RORA: variants seen among roughly 807,000 people sequenced by gnomAD.
The protein encoded by RORA is RAR related orphan receptor A, also known as nuclear receptor ROR-alpha.
RORA carries 7 observed loss-of-function variants against 69.5 expected under a neutral mutation model. The observed-to-expected ratio is 0.10, with a 90% CI of 0.06 to 0.19. RORA has a LOEUF of 0.19. Ranked by LOEUF, RORA falls within the 10% of genes least tolerant of loss-of-function variation. The pLI is 1.00. For missense variants in RORA, 457 were observed against 663.0 expected, an observed-to-expected ratio of 0.69 and a Z score of 3.41; for synonymous variants, 261 against 240.8, an observed-to-expected ratio of 1.08 and a Z score of -0.78.
chr15:60,741,852 G>T (rs1189345461), intron 1 of RORA, among the ~76,000 whole-genome samples: 3 of 152,096 alleles, frequency 2.0e-5, no homozygotes, highest in Non-Finnish European at 2.9e-5. Context: ...CTGCATGGCC[G>T]CATGGCCACA....
At position 61,131,251 on chromosome 15, in the gene RORA, A is replaced by C. The variant is rs576197467; in HGVS notation, c.166+97802T>G. ...TGTCACTAACTCTCTAGGTGGCCTC[A>C]TCCCACTTGTGATTCAGCAAAATGC... On this transcript the variant is annotated intron_variant, in intron 1 of 10. Coordinates refer to ENST00000335670, the MANE Select transcript of RORA (RefSeq NM_134261.3). This position sits in a 1 kb window ranked among gnomAD's most constrained non-coding sequence, Gnocchi z 4.2. Among the ~76,000 whole-genome samples the C allele has an allele frequency of 3.3e-4, 50 of 152,362 alleles. No homozygotes were observed. In the South Asian group the frequency reaches 0.01, roughly 31 times the overall value.
At chr15:61,086,353 C>T (rs899480977) in intron 1 of RORA, among the ~76,000 whole-genome samples, 4 of 152,162 alleles carry the variant, frequency 2.6e-5, no homozygotes, top group South Asian at 2.1e-4. Context: ...GTATTTTGAC[C>T]GATCTGAAAT....
At chr15:61,021,631 A>ATCTTCTCC (rs1895528216) in intron 1 of RORA, among the ~76,000 whole-genome samples, 1 of 152,184 alleles carries the variant, frequency 6.6e-6, no homozygotes, top group Non-Finnish European at 1.5e-5. Context: ...TTAAGCATAA[A>ATCTTCTCC]TCTTCTCCAT....
chr15:60,727,688 G>A (rs2071378532), intron 1 of RORA, among the ~76,000 whole-genome samples: 1 of 151,894 alleles, frequency 6.6e-6, no homozygotes, highest in Admixed American at 6.6e-5. Context: ...AAAAAAAAAT[G>A]GCGTGAAAGT....
At chr15:60,880,571 G>A (rs973062807) in intron 1 of RORA, among the ~76,000 whole-genome samples, 4 of 152,078 alleles carry the variant, frequency 2.6e-5, no homozygotes, top group Admixed American at 6.5e-5. Flanking sequence ...CCCAGGAGGC[G>A]GAGGTTGCAG....
intron 5 of RORA, chr15:60,510,666 CTGGCTGTTGCCAGT>C (rs2065666264): frequency 6.5e-6 from 1 of 152,742 alleles, no homozygotes; most frequent in East Asian, 1.9e-4. Context: ...GTGTAATCCC[CTGGCTGTTGCCAGT>C]TGGCTGTTGA....
chr15:61,012,132 C>CCCT (rs1895107448), intron 1 of RORA, among the ~76,000 whole-genome samples: 1 of 152,218 alleles, frequency 6.6e-6, no homozygotes, highest in East Asian at 1.9e-4. Context: ...CTGTGAGGCT[C>CCCT]TGTGCCTCAG....
At chr15:61,129,587 A>C (rs2079172437) in intron 1 of RORA, among the ~76,000 whole-genome samples, 1 of 152,312 alleles carries the variant, frequency 6.6e-6, no homozygotes, top group African/African-American at 2.4e-5. Flanking sequence ...TTAAATGGTA[A>C]ATTTTATGTT....
At chr15:61,186,709 T>C (rs1298080846) in intron 1 of RORA, among the ~76,000 whole-genome samples, 2 of 148,048 alleles carry the variant, frequency 1.4e-5, no homozygotes, top group South Asian at 2.2e-4. Context: ...CACTGTCCCC[T>C]GGGAGGGTCT....
chr15:60,592,353 G>C, intron 2 of RORA: 1 of 1,381,444 alleles, frequency 7.2e-7, no homozygotes. Flanking sequence ...GGAGCCGCCA[G>C]CCCACCCGGC....
chr15:60,530,852 T>TGCA (rs1386185507), intron 3 of RORA: 3 of 152,234 alleles, frequency 2.0e-5, no homozygotes, highest in Admixed American at 2.0e-4. Context: ...AAAGGCCTCC[T>TGCA]GCATGTTTAA....
chr15:61,077,961 T>C (rs2078477962), intron 1 of RORA, among the ~76,000 whole-genome samples: 1 of 152,182 alleles, frequency 6.6e-6, no homozygotes, highest in Admixed American at 6.5e-5. Flanking sequence ...GTGGCTATGT[T>C]ACATCCTCAA....
At chr15:61,075,051 C>T (rs1356267374) in intron 1 of RORA, among the ~76,000 whole-genome samples, 3 of 150,478 alleles carry the variant, frequency 2.0e-5, no homozygotes, top group Admixed American at 6.6e-5. Flanking sequence ...CGTGGCACTG[C>T]ACTCCAGCCT....
intron 2 of RORA, among the ~76,000 whole-genome samples, chr15:60,631,543 G>A (rs2069736837): frequency 6.6e-6 from 1 of 152,126 alleles, no homozygotes; most frequent in South Asian, 2.1e-4. Flanking sequence ...TACCGGAGAG[G>A]TTGCTGACAC....
At chr15:60,783,765 G>T (rs1476425420) in intron 1 of RORA, among the ~76,000 whole-genome samples, 1 of 152,126 alleles carries the variant, frequency 6.6e-6, no homozygotes, top group Admixed American at 6.5e-5. Context: ...ATCCATTCAG[G>T]TCCTGGAAGT....
chr15:60,506,454 T>C (rs1305359644), intron 5 of RORA, among the ~76,000 whole-genome samples: 1 of 152,212 alleles, frequency 6.6e-6, no homozygotes, highest in East Asian at 1.9e-4. Context: ...TGTAATCTGG[T>C]GAACACGTAT....
intron 1 of RORA, among the ~76,000 whole-genome samples, chr15:61,141,934 C>G (rs1233329590): frequency 6.6e-6 from 1 of 152,034 alleles, no homozygotes; most frequent in Non-Finnish European, 1.5e-5. Flanking sequence ...GATGCCTGAG[C>G]AGGTGAGTGC....
At chr15:60,572,657 A>G (rs999818298) in intron 2 of RORA, among the ~76,000 whole-genome samples, 1 of 152,214 alleles carries the variant, frequency 6.6e-6, no homozygotes, top group Non-Finnish European at 1.5e-5. Context: ...AACAACCTCA[A>G]AATAATCCAA....
chr15:60,528,126 C>T (rs1013288235), intron 3 of RORA: 1 of 152,696 alleles, frequency 6.5e-6, no homozygotes, highest in African/African-American at 2.4e-5. Flanking sequence ...ACCATCATAG[C>T]TCACCAGGAG....
Sources: allele counts gnomAD v4.1 joint callset (sites outside exome capture counted in the v4.1 genomes callset), GRCh38; gene constraint gnomAD v4.1.1; non-coding constraint Gnocchi (gnomAD v3.1); transcripts MANE v1.5; gene names NCBI Gene and HGNC (gene_info 2026-07-23, HGNC 2026-07-21).